Variants in ANO1 observed in about 807,000 individuals in gnomAD.
ANO1 encodes anoctamin 1.
A neutral mutation model predicts 124.0 loss-of-function variants in ANO1; 59 were observed. The ratio of observed to expected loss-of-function variants is 0.48; its 90% CI spans 0.39 to 0.59. ANO1 has a LOEUF of 0.59. Among genes scored for constraint, ANO1 ranks in the 20% least tolerant of loss-of-function variants. ANO1 has a pLI of 0.00. For synonymous variants in ANO1, 529 were observed against 532.0 expected, an observed-to-expected ratio of 0.99 and a Z score of 0.08; for missense variants, 1,059 against 1,328.0, an observed-to-expected ratio of 0.80 and a Z score of 3.15.
chr11:70,127,680 G>C (rs992132017), intron 10 of ANO1, among the ~76,000 whole-genome samples: 3 of 152,156 alleles, frequency 2.0e-5, no homozygotes, highest in Non-Finnish European at 2.9e-5. Flanking sequence ...TGGGGGAACA[G>C]AGTGGGGCCC....
At chr11:70,169,418 A>G (rs59976074) in intron 21 of ANO1, among the ~76,000 whole-genome samples, 17,791 of 151,540 alleles carry the variant, frequency 0.12, 1,149 homozygotes, top group Middle Eastern at 0.16. Context: ...GATGGGGAGA[A>G]CAAGCTCATC....
chr11:70,155,956 A>C lies in ANO1; in HGVS notation c.1471A>C (p.Arg491=), dbSNP rs941537603. ...PEESTNKWKQ[R]VKTAMAGVKL... ...GGAGTCAACAAACAAATGGAAGCAG[A>C]GGGTTAAGACAGCCATGGCGGGGGT... Residue 491 remains arginine (R), a synonymous_variant, in exon 15 of 26, where the codon AGG becomes CGG. Coordinates refer to ENST00000355303, the MANE Select transcript of ANO1 (RefSeq NM_018043.7). 3.9e-6 allele frequency: 6 copies of C among 1,539,604 alleles called. No individual in the cohort carries two copies. In the African/African-American group the frequency reaches 8.3e-5, roughly 21 times the overall value.
intron 10 of ANO1, among the ~76,000 whole-genome samples, chr11:70,131,303 A>ATGTGTGTGTGTG (rs58686061): frequency 3.0e-4 from 44 of 149,128 alleles, no homozygotes; most frequent in African/African-American, 1.1e-3. Flanking sequence ...TCAAAAATCA[A>ATGTGTGTGTGTG]TGTGTGTGTG....
the ANO1 span, among the ~76,000 whole-genome samples, chr11:69,979,910 G>A: frequency 1.4e-4 from 22 of 152,108 alleles, no homozygotes; most frequent in Admixed American, 1.4e-3. Context: ...TAGCACACCC[G>A]TCTCCCTGGC....
upstream of ANO1, chr11:70,075,051 G>C (rs1278206432): frequency 6.6e-6 from 1 of 152,212 alleles, no homozygotes; most frequent in Admixed American, 6.5e-5. Flanking sequence ...TGGTTAATGG[G>C]GAGCGAGGTT....
the ANO1 span, among the ~76,000 whole-genome samples, chr11:69,973,870 TAAA>T: frequency 7.2e-6 from 1 of 139,640 alleles, no homozygotes; most frequent in East Asian, 2.1e-4. Context: ...AGACTCCGTC[TAAA>T]AAAAAAAAAA....
rs71926266 is a variant in ANO1 at position 70,010,179 on chromosome 11, G to GTATATATATATA, written c.58+24021_58+24032dup. On this transcript the variant is annotated intron_variant, in intron 1 of 27. Coordinates refer to the ANO1 transcript ENST00000531349. ...TGTGTGTGTGTGCGCGTGTGTGTGT[G>GTATATATATATA]TATATATATATATATATATCACATT... is the stretch of plus-strand genomic sequence containing the variant. Among the ~76,000 whole-genome samples the GTATATATATATA allele has an allele frequency of 1.6e-3, 131 of 83,722 alleles. 3 individuals carry two copies. Among genetic ancestry groups the GTATATATATATA allele is most frequent in the African/African-American group, 5.6e-3 (119 of 21,256 alleles). The allele number at this position is 83,722 out of a possible 152,430, so 54.9% of individuals were successfully genotyped here. A position where few individuals can be genotyped will look rare whatever the true frequency, so the allele number is the denominator to read the frequency against.
chr11:70,156,414 G>A (rs564702374), intron 15 of ANO1, among the ~76,000 whole-genome samples: 1 of 152,270 alleles, frequency 6.6e-6, no homozygotes, highest in East Asian at 1.9e-4. Context: ...TCTACCTAGG[G>A]TTTCTCCAGA....
chr11:70,143,422 A>G lies in ANO1; in HGVS notation c.1259-6288A>G, dbSNP rs2047230630. ...AAGCCTGAGTAGTAGAGACATTGGC[A>G]TAAGTTGAGGCGGGGTGGGATGCAG... On this transcript the variant is annotated intron_variant, in intron 11 of 25. Coordinates refer to ENST00000355303, the MANE Select transcript of ANO1 (RefSeq NM_018043.7). 5.3e-5 allele frequency among the ~76,000 whole-genome samples: 8 copies of G among 152,210 alleles called. No homozygotes were observed. The South Asian group carries it at 1.7e-3, about 32-fold the overall frequency.
At chr11:69,972,195 A>G in the ANO1 span, among the ~76,000 whole-genome samples, 2 of 151,468 alleles carry the variant, frequency 1.3e-5, no homozygotes, top group East Asian at 3.9e-4. Context: ...TCAAAAAAAA[A>G]AAAAAAAAAA....
intron 8 of ANO1, among the ~76,000 whole-genome samples, chr11:70,122,455 T>C: frequency 6.7e-6 from 1 of 149,516 alleles, no homozygotes; most frequent in Non-Finnish European, 1.5e-5. Context: ...CCTCTCTCTG[T>C]CTCTCTGTCT....
At chr11:70,001,644 A>G (rs1554999280) in intron 1 of ANO1, among the ~76,000 whole-genome samples, 1 of 152,228 alleles carries the variant, frequency 6.6e-6, no homozygotes, top group East Asian at 1.9e-4. Context: ...GATAGAAACC[A>G]GAAGAGTGCC....
At chr11:70,099,026 G>T (rs1418634584) in intron 2 of ANO1, among the ~76,000 whole-genome samples, 1 of 152,190 alleles carries the variant, frequency 6.6e-6, no homozygotes, top group Non-Finnish European at 1.5e-5. Flanking sequence ...CTGGTTGGGG[G>T]CTGTCTGGGG....
chr11:70,111,896 G>A, intron 7 of ANO1, 134 bp downstream of exon 7: 1 of 917,618 alleles, frequency 1.1e-6, no homozygotes, highest in Non-Finnish European at 1.7e-6. Context: ...AATGTCAACT[G>A]TACACAGGCC....
At chr11:70,033,756 C>T (rs545316067) in intron 1 of ANO1, among the ~76,000 whole-genome samples, 21 of 152,164 alleles carry the variant, frequency 1.4e-4, no homozygotes, top group African/African-American at 4.3e-4. Flanking sequence ...GAAACATGGC[C>T]ATGCTCATTC....
intron 1 of ANO1, among the ~76,000 whole-genome samples, chr11:70,057,937 T>A (rs543416391): frequency 6.6e-6 from 1 of 151,952 alleles, no homozygotes; most frequent in South Asian, 2.1e-4. Flanking sequence ...CAGCAAAAAA[T>A]TTTGGCTGTG....
At chr11:70,018,614 T>G (rs781827443) in intron 1 of ANO1, among the ~76,000 whole-genome samples, 6 of 152,066 alleles carry the variant, frequency 3.9e-5, no homozygotes, top group Admixed American at 1.3e-4. Flanking sequence ...CAGAACCCCC[T>G]CCCAACCTGG....
At chr11:70,050,698 G>A (rs986960980) in intron 1 of ANO1, among the ~76,000 whole-genome samples, 1 of 152,162 alleles carries the variant, frequency 6.6e-6, no homozygotes, top group Non-Finnish European at 1.5e-5. Flanking sequence ...TATGGTTCTA[G>A]TTCCCCTCAG....
chr11:70,155,388 C>G lies in ANO1; in HGVS notation c.1426-523C>G, dbSNP rs538186671. On this transcript the variant is annotated intron_variant, in intron 14 of 25. Transcript: ENST00000355303. ...CAGAGCTCAGAGGCACCCCCAGGCC[C>G]TGTCTGCTTCTGACGGGCCGTACCC... 9.8e-5 allele frequency among the ~76,000 whole-genome samples: 15 copies of G among 152,354 alleles called. No homozygotes were observed. In the East Asian group the frequency reaches 2.5e-3, roughly 25 times the overall value.
Sources: allele counts gnomAD v4.1 joint callset (sites outside exome capture counted in the v4.1 genomes callset), GRCh38; gene constraint gnomAD v4.1.1; transcripts MANE v1.5; gene names NCBI Gene and HGNC (gene_info 2026-07-23, HGNC 2026-07-21).